Variants in KIF6 observed in about 807,000 individuals in gnomAD.
The protein encoded by KIF6 is kinesin-like protein KIF6.
Under a neutral mutation model 112.7 loss-of-function variants are expected in KIF6, and 106 were observed. That is an observed-to-expected ratio of 0.94 (90% CI 0.80 to 1.11). The LOEUF (loss-of-function observed/expected upper bound fraction) is 1.11, where lower values mean the gene tolerates loss of function less well. Among genes scored for constraint, KIF6 ranks in the 50% least tolerant of loss-of-function variants. KIF6 has a pLI of 0.00. For synonymous variants in KIF6, 339 were observed against 339.9 expected, an observed-to-expected ratio of 1.00 and a Z score of 0.03; for missense variants, 929 against 964.0, an observed-to-expected ratio of 0.96 and a Z score of 0.48.
At chr6:39,640,771 G>A (rs1364862102) in intron 3 of KIF6, among the ~76,000 whole-genome samples, 3 of 152,090 alleles carry the variant, frequency 2.0e-5, no homozygotes, top group African/African-American at 4.8e-5. Flanking sequence ...TTATTCTGAA[G>A]TGGTCACTTA....
At chr6:39,534,759 G>T (rs1412690563) in intron 13 of KIF6, among the ~76,000 whole-genome samples, 1 of 152,174 alleles carries the variant, frequency 6.6e-6, no homozygotes, top group Non-Finnish European at 1.5e-5. Flanking sequence ...ACACATAATT[G>T]TCAGATTCAC....
intron 15 of KIF6, among the ~76,000 whole-genome samples, chr6:39,405,154 T>A (rs926484690): frequency 6.6e-6 from 1 of 152,144 alleles, no homozygotes; most frequent in Non-Finnish European, 1.5e-5. Flanking sequence ...AAATACATCA[T>A]GTGTGAACAG....
At chr6:39,466,807 T>C (rs994225797) in intron 13 of KIF6, among the ~76,000 whole-genome samples, 1 of 152,182 alleles carries the variant, frequency 6.6e-6, no homozygotes, top group African/African-American at 2.4e-5. Context: ...GGCCCCTCTT[T>C]GTAAGGCAGA....
chr6:39,437,439 G>C (rs1235667349), intron 13 of KIF6, among the ~76,000 whole-genome samples: 1 of 152,104 alleles, frequency 6.6e-6, no homozygotes, highest in Non-Finnish European at 1.5e-5. Flanking sequence ...AGCATATTTG[G>C]CACACAAAAT....
In KIF6 at chr6:39,548,424, G is replaced by A. The variant is rs80116406; in HGVS notation, c.1182-2736C>T. Among the ~76,000 whole-genome samples, 983 of 152,286 alleles carry A rather than the reference G, an allele frequency of 6.5e-3. 6 individuals are homozygous for A. The highest frequency in any genetic ancestry group is 0.02 in the African/African-American group (822 of 41,544). On this transcript the variant is annotated intron_variant, in intron 10 of 22. Coordinates refer to ENST00000287152, the MANE Select transcript of KIF6 (RefSeq NM_145027.6). ...TTCTGCCTGAGTAAAAGAACTGATC[G>A]CTTTACTCTTTCTGGGACTTGATTA...
chr6:39,633,614 A>G (rs1279229028), intron 5 of KIF6, among the ~76,000 whole-genome samples: 1 of 152,226 alleles, frequency 6.6e-6, no homozygotes, highest in Admixed American at 6.5e-5. Context: ...CTTCTTTTAG[A>G]AAAGAGCAAG....
chr6:39,418,209 A>C (rs1241429324), intron 15 of KIF6, among the ~76,000 whole-genome samples: 1 of 152,128 alleles, frequency 6.6e-6, no homozygotes, highest in African/African-American at 2.4e-5. Flanking sequence ...CCTAACTCCC[A>C]GTTTTTCTCA....
At chr6:39,565,040 T>G (rs1265159799) in intron 10 of KIF6, among the ~76,000 whole-genome samples, 1 of 152,234 alleles carries the variant, frequency 6.6e-6, no homozygotes, top group Non-Finnish European at 1.5e-5. Flanking sequence ...ATCCATATTG[T>G]ACTGAGAAGA....
intron 13 of KIF6, among the ~76,000 whole-genome samples, chr6:39,460,536 T>TAAAAAAAAAAAAAAA (rs759528125): frequency 3.6e-3 from 203 of 56,830 alleles, no homozygotes; most frequent in African/African-American, 3.6e-3. Context: ...AAAAAAAAAG[T>TAAAAAAAAAAAAAAA]AAAAAAAAAA....
At chr6:39,421,868 T>C (rs1420788471) in intron 14 of KIF6, among the ~76,000 whole-genome samples, 1 of 152,204 alleles carries the variant, frequency 6.6e-6, no homozygotes, top group Non-Finnish European at 1.5e-5. Flanking sequence ...TGTGGGCTCA[T>C]ATGGCCTCTG....
At chr6:39,398,831 T>C (rs1000544262) in intron 15 of KIF6, among the ~76,000 whole-genome samples, 5 of 152,248 alleles carry the variant, frequency 3.3e-5, no homozygotes, top group African/African-American at 1.2e-4. Flanking sequence ...TAGTTTTATA[T>C]GTCAAAGCGT....
chr6:39,400,926 C>G (rs916281708), intron 15 of KIF6, among the ~76,000 whole-genome samples: 7 of 152,180 alleles, frequency 4.6e-5, no homozygotes, highest in African/African-American at 1.7e-4. Flanking sequence ...AATCTGTTTT[C>G]TAAGGATTGA....
chr6:39,442,625 G>C (rs1771987333), intron 13 of KIF6, among the ~76,000 whole-genome samples: 1 of 152,188 alleles, frequency 6.6e-6, no homozygotes, highest in African/African-American at 2.4e-5. Flanking sequence ...GGCCAAACTG[G>C]ATCTATTGAG....
chr6:39,447,277 G>A (rs534574801), intron 13 of KIF6, among the ~76,000 whole-genome samples: 4 of 152,232 alleles, frequency 2.6e-5, no homozygotes, highest in African/African-American at 9.6e-5. Flanking sequence ...GGACTCTCAT[G>A]TATACCAGAA....
chr6:39,431,304 G>C (rs995335888), intron 13 of KIF6, 143 bp from the exon 14 acceptor site: 2 of 591,722 alleles, frequency 3.4e-6, no homozygotes, highest in African/African-American at 3.7e-5. Flanking sequence ...GTGGCCCCAG[G>C]CTCTTCCAGC....
chr6:39,657,301 T>C (rs1785856043), intron 3 of KIF6, among the ~76,000 whole-genome samples: 1 of 152,078 alleles, frequency 6.6e-6, no homozygotes, highest in African/African-American at 2.4e-5. Context: ...TTATTTCTCT[T>C]AAGCCTAGGT....
chr6:39,699,150 G>A (rs1029339015), intron 3 of KIF6, among the ~76,000 whole-genome samples: 2 of 152,124 alleles, frequency 1.3e-5, no homozygotes, highest in Non-Finnish European at 2.9e-5. Context: ...TCTAGCAGAG[G>A]AGATAGGTAA....
intron 15 of KIF6, among the ~76,000 whole-genome samples, chr6:39,405,487 A>C (rs1033619763): frequency 2.0e-5 from 3 of 152,178 alleles, no homozygotes; most frequent in Non-Finnish European, 4.4e-5. Flanking sequence ...TTTCTTCCTT[A>C]ATCTATTAAC....
chr6:39,651,434 T>C (rs939829216), intron 3 of KIF6, among the ~76,000 whole-genome samples: 3 of 152,100 alleles, frequency 2.0e-5, no homozygotes, highest in Non-Finnish European at 2.9e-5. Flanking sequence ...GTGGCTGCCG[T>C]CAGTGTGGTG....
Sources: gnomAD v4.1 joint callset for allele counts (sites outside exome capture counted in the v4.1 genomes callset) on GRCh38, gnomAD v4.1.1 for gene constraint, MANE v1.5 for transcripts, NCBI Gene and HGNC (gene_info 2026-07-23, HGNC 2026-07-21) for gene names.